The following CCDC33 variants were observed in gnomAD, a reference collection of about 807,000 sequenced individuals.
CCDC33 encodes coiled-coil domain-containing protein 33.
CCDC33 carries 94 observed loss-of-function variants against 91.9 expected under a neutral mutation model. That is an observed-to-expected ratio of 1.02 (90% CI 0.87 to 1.21). CCDC33 has a LOEUF of 1.21. CCDC33 is among the 50% of genes most tolerant of loss of function. The probability of loss-of-function intolerance (pLI) is 0.00; values close to 1 mark genes in which losing one functional copy is unlikely to be tolerated. For synonymous variants in CCDC33, 396 were observed against 374.5 expected, an observed-to-expected ratio of 1.06 and a Z score of -0.66; for missense variants, 940 against 935.5, an observed-to-expected ratio of 1.00 and a Z score of -0.06.
Position 74,244,161 on chromosome 15 carries a change from G to C in CCDC33, c.185+13G>C, listed in dbSNP as rs548269749. On this transcript the variant is annotated intron_variant, in intron 2 of 18. Coordinates refer to ENST00000398814, the MANE Select transcript of CCDC33 (RefSeq NM_025055.5). The surrounding 1 kb of genome is among the most constrained non-coding windows in gnomAD (Gnocchi z 4.2). The stretch of plus-strand genomic sequence containing the variant: ...CCTATGTGGTGGTGTAAGTAGCTGC[G>C]TGAGAGTGGGGGCAGGGGATGGGTT... 2 of 1,601,742 alleles carry C rather than the reference G, an allele frequency of 1.2e-6. No individual in the cohort carries two copies. The highest frequency in any genetic ancestry group is 1.7e-6 in the Non-Finnish European group (2 of 1,172,150).
chr15:74,234,592 T>C (rs2075087008), upstream of CCDC33, among the ~76,000 whole-genome samples: 1 of 152,120 alleles, frequency 6.6e-6, no homozygotes, highest in Non-Finnish European at 1.5e-5. Context: ...AGGGCCCTAC[T>C]GGTGGCTGCT....
Position 74,236,558 on chromosome 15 carries a change from A to C in CCDC33, c.-162A>C. On this transcript the variant is annotated 5_prime_UTR_variant, in exon 1 of 19. Coordinates refer to ENST00000398814, the MANE Select transcript of CCDC33 (RefSeq NM_025055.5). The stretch of plus-strand genomic sequence containing the variant: ...CCAGGCCCCAGGGCTGGTGTGTGGC[A>C]CCCCTGAGACCACATTGACCTCCAT... 6 of 288,656 alleles carry C rather than the reference A, an allele frequency of 2.1e-5. No homozygotes were observed. The highest frequency in any genetic ancestry group is 4.4e-5 in the South Asian group (1 of 22,582). 17.9% of individuals were successfully genotyped at this position (288,656 alleles called of 1,614,324 possible). A position where few individuals can be genotyped will look rare whatever the true frequency, so the allele number is the denominator to read the frequency against.
Position 74,260,309 on chromosome 15 carries a change from A to G in CCDC33, c.186-2131A>G, listed in dbSNP as rs563051456. ...TCTCTAGCCTGGCAGCCTCCCACAC[A>G]CCACTTTGCGGGTGTGAGGAGTCCA... On this transcript the variant is annotated intron_variant, in intron 2 of 18. Coordinates refer to ENST00000398814, the MANE Select transcript of CCDC33 (RefSeq NM_025055.5). 2.4e-4 allele frequency among the ~76,000 whole-genome samples: 36 copies of G among 152,162 alleles called. 1 individual carries two copies. In the South Asian group the frequency reaches 3.9e-3, roughly 17 times the overall value.
chr15:74,284,102 C>T (rs2059426989), intron 10 of CCDC33, among the ~76,000 whole-genome samples: 1 of 152,182 alleles, frequency 6.6e-6, no homozygotes, highest in Non-Finnish European at 1.5e-5. Flanking sequence ...ATTTAGGAGC[C>T]TAAGTATAAA....
rs1567041972 is a variant in CCDC33 at position 74,331,062 on chromosome 15, A to G, written c.1627A>G (p.Lys543Glu). The change falls in exon 14 of 19, where the codon AAG (lysine) becomes GAG (glutamate). Residue 543 changes from lysine to glutamate, a missense_variant. Coordinates refer to ENST00000398814, the MANE Select transcript of CCDC33 (RefSeq NM_025055.5). ...CGCTCTGCTGAAGCAGTACCAGGGC[A>G]AGCTGCAGAAGATGAAGGCGCTGGA... ...QAALLKQYQGKLQKMKALEET... is the reference protein window; with the variant it reads ...QAALLKQYQGELQKMKALEET... 1 of 1,613,634 alleles carries G rather than the reference A, an allele frequency of 6.2e-7. No individual in the cohort carries two copies. Among genetic ancestry groups the G allele is most frequent in the Non-Finnish European group, 8.5e-7 (1 of 1,179,748 alleles).
chr15:74,254,483 C>T (rs1232841573), intron 2 of CCDC33, among the ~76,000 whole-genome samples: 2 of 152,214 alleles, frequency 1.3e-5, no homozygotes, highest in African/African-American at 2.4e-5. Flanking sequence ...CGGACACCAC[C>T]GGTGCCTCCA....
At chr15:74,272,390 G>A (rs2076341668) in intron 6 of CCDC33, among the ~76,000 whole-genome samples, 1 of 152,190 alleles carries the variant, frequency 6.6e-6, no homozygotes, top group African/African-American at 2.4e-5. Context: ...CAGTCCTCAA[G>A]AGGAGATTCA....
At chr15:74,319,676 CG>C (rs2060166468) in intron 11 of CCDC33, 2 of 152,322 alleles carry the variant, frequency 1.3e-5, no homozygotes, top group South Asian at 4.1e-4. Flanking sequence ...GGTCAGGCAG[CG>C]TTCAGAAAAG....
chr15:74,225,975 C>T (rs751155528), intron 2 of CCDC33, among the ~76,000 whole-genome samples: 3 of 152,162 alleles, frequency 2.0e-5, no homozygotes, highest in Non-Finnish European at 2.9e-5. Flanking sequence ...ATGGAGAATG[C>T]GTGTGGGACG....
At chr15:74,241,680 C>T (rs1010134933) in intron 1 of CCDC33, among the ~76,000 whole-genome samples, 3 of 152,122 alleles carry the variant, frequency 2.0e-5, no homozygotes, top group Non-Finnish European at 2.9e-5. Context: ...GACGGAGAGT[C>T]GGAGAGGAAA....
Position 74,218,717 on chromosome 15 carries a change from A to G in CCDC33, c.531A>G (p.Thr177=). ...TGCTCCGGGCTAGCACGGACCCCAC[A>G]GCCCGACACTGTGGGAGCCTGGCCT... Residue 177 remains threonine (T), a synonymous_variant, in exon 2 of 3, where the codon ACA becomes ACG. Transcript: ENST00000635913. The surrounding 1 kb of genome is among the most constrained non-coding windows in gnomAD (Gnocchi z 4.8). 7.8e-7 allele frequency: 1 copy of G among 1,289,830 alleles called. No individual in the cohort carries two copies. The highest frequency in any genetic ancestry group is 1.0e-6 in the Non-Finnish European group (1 of 988,868). The allele number at this position is 1,289,830 out of a possible 1,614,324, so 79.9% of individuals were successfully genotyped here.
intron 2 of CCDC33, among the ~76,000 whole-genome samples, chr15:74,226,121 T>C (rs946468498): frequency 3.9e-5 from 6 of 152,202 alleles, no homozygotes; most frequent in Non-Finnish European, 8.8e-5. Context: ...ATGTCCAGCC[T>C]TCAGGGAGCT....
At chr15:74,221,287 A>G in intron 2 of CCDC33, 1 of 834,818 alleles carries the variant, frequency 1.2e-6, no homozygotes, top group Non-Finnish European at 1.4e-6. Flanking sequence ...GAGCAGGGGC[A>G]GGAGAGCAGG....
upstream of CCDC33, among the ~76,000 whole-genome samples, chr15:74,232,305 G>A (rs1320908921): frequency 1.3e-5 from 2 of 152,150 alleles, no homozygotes; most frequent in Non-Finnish European, 2.9e-5. Flanking sequence ...GTTTAATAAA[G>A]GGACTATTTA....
chr15:74,289,638 C>T (rs2059547903), intron 10 of CCDC33, among the ~76,000 whole-genome samples: 1 of 152,088 alleles, frequency 6.6e-6, no homozygotes, highest in African/African-American at 2.4e-5. Flanking sequence ...TTGCTTGAAC[C>T]TGGGAGGTTG....
At chr15:74,204,762 C>G (rs2074220575) in intron 1 of CCDC33, among the ~76,000 whole-genome samples, 1 of 152,140 alleles carries the variant, frequency 6.6e-6, no homozygotes, top group Non-Finnish European at 1.5e-5. Flanking sequence ...GGCAAAATCC[C>G]ATCTCTACTA....
chr15:74,209,566 G>T lies in CCDC33; in HGVS notation n.236+32G>T, dbSNP rs2074337610. On this transcript the variant is annotated intron_variant and non_coding_transcript_variant, in intron 2 of 3. Coordinates refer to the CCDC33 transcript ENST00000558645. ...TCTATTCCCAGGGGAAGTGAAAAAG[G>T]CCCCCTCGGAGCTTTCTCTTCTATT... The T allele has an allele frequency of 4.8e-6, 4 of 833,264 alleles. No homozygotes were observed. The South Asian group carries it at 5.4e-5, about 11-fold the overall frequency. 51.6% of individuals were successfully genotyped at this position (833,264 alleles called of 1,614,324 possible).
intron 11 of CCDC33, among the ~76,000 whole-genome samples, chr15:74,320,441 G>A (rs2060183265): frequency 6.6e-6 from 1 of 151,962 alleles, no homozygotes; most frequent in Non-Finnish European, 1.5e-5. Context: ...CCTAGGGTGT[G>A]AGCCATGTCC....
intron 11 of CCDC33, among the ~76,000 whole-genome samples, chr15:74,326,022 T>C: frequency 6.6e-6 from 1 of 152,186 alleles, no homozygotes; most frequent in East Asian, 1.9e-4. Context: ...AGGGTTATAA[T>C]AAGAACCATT....
Sources: gnomAD v4.1 joint callset for allele counts (sites outside exome capture counted in the v4.1 genomes callset) on GRCh38, gnomAD v4.1.1 for gene constraint, Gnocchi (gnomAD v3.1) non-coding constraint, MANE v1.5 for transcripts, NCBI Gene and HGNC (gene_info 2026-07-23, HGNC 2026-07-21) for gene names.